RGS6: variants seen among roughly 807,000 people sequenced by gnomAD.
The protein encoded by RGS6 is regulator of G protein signaling 6, also known as regulator of G-protein signaling 6.
RGS6 carries 30 observed loss-of-function variants against 78.5 expected under a neutral mutation model. The observed-to-expected ratio is 0.38, with a 90% CI of 0.29 to 0.52. The LOEUF is 0.52. RGS6 is among the 20% of genes least tolerant of loss of function. RGS6 has a pLI of 0.85. For synonymous variants in RGS6, 206 were observed against 206.0 expected, an observed-to-expected ratio of 1.00 and a Z score of 0.00; for missense variants, 495 against 609.7, an observed-to-expected ratio of 0.81 and a Z score of 1.98.
At position 72,073,757 on chromosome 14, in the gene RGS6, A is replaced by G. The variant is rs541220279; in HGVS notation, c.84+108882A>G. Among the ~76,000 whole-genome samples, 3 of 152,300 alleles carry G rather than the reference A, an allele frequency of 2.0e-5. No individual in the cohort carries two copies. The East Asian group carries it at 5.8e-4, about 29-fold the overall frequency. On this transcript the variant is annotated intron_variant, in intron 2 of 17. Transcript: ENST00000553525. ...TTCTCACAAATTTTATAATGAAACA[A>G]TGTTACTGTAGGACCTGCTGTATAA... is the stretch of plus-strand genomic sequence containing the variant.
At chr14:72,065,112 C>A (rs1392846338) in intron 2 of RGS6, among the ~76,000 whole-genome samples, 1 of 152,096 alleles carries the variant, frequency 6.6e-6, no homozygotes, top group Admixed American at 6.6e-5. Flanking sequence ...AGAAGCAGAG[C>A]CATCTGAATT....
chr14:72,232,896 T>G (rs1479586664), intron 2 of RGS6, among the ~76,000 whole-genome samples: 7 of 152,156 alleles, frequency 4.6e-5, no homozygotes, highest in Admixed American at 4.6e-4. Flanking sequence ...AGCCTGAGGC[T>G]GGCGTGCATG....
intron 2 of RGS6, among the ~76,000 whole-genome samples, chr14:72,116,866 A>C (rs1304354198): frequency 6.8e-6 from 1 of 147,520 alleles, no homozygotes; most frequent in Non-Finnish European, 1.5e-5. Flanking sequence ...TGGGAGGCTG[A>C]GGCAGGAGAA....
At chr14:72,345,196 G>A (rs1177809327) in intron 2 of RGS6, among the ~76,000 whole-genome samples, 5 of 152,212 alleles carry the variant, frequency 3.3e-5, no homozygotes, top group South Asian at 4.2e-4. Context: ...GGGATGACTA[G>A]AGCTGGGCAG....
intron 2 of RGS6, among the ~76,000 whole-genome samples, chr14:72,313,053 A>T (rs1384712797): frequency 6.6e-6 from 1 of 152,164 alleles, no homozygotes. Flanking sequence ...CAGCGACTTG[A>T]GTTTAAATTC....
At chr14:72,076,155 A>C (rs1035938412) in intron 2 of RGS6, among the ~76,000 whole-genome samples, 4 of 152,158 alleles carry the variant, frequency 2.6e-5, no homozygotes, top group African/African-American at 9.7e-5. Context: ...TAGAGGGAGG[A>C]TGGGCCATCC....
chr14:72,193,572 T>G (rs764700296), intron 2 of RGS6, among the ~76,000 whole-genome samples: 21 of 152,206 alleles, frequency 1.4e-4, no homozygotes, highest in Non-Finnish European at 2.8e-4. Context: ...TACATTCTTA[T>G]GAGAGAAACG....
chr14:72,282,546 A>G (rs958306052), intron 2 of RGS6, among the ~76,000 whole-genome samples: 3 of 152,224 alleles, frequency 2.0e-5, no homozygotes, highest in Non-Finnish European at 4.4e-5. Flanking sequence ...CTCCTGGTTT[A>G]AGACATGAGC....
intron 7 of RGS6, among the ~76,000 whole-genome samples, chr14:72,466,846 A>T (rs1300354104): frequency 6.6e-6 from 1 of 152,236 alleles, no homozygotes; most frequent in Non-Finnish European, 1.5e-5. Flanking sequence ...CAAATTTACT[A>T]CATAATAACA....
chr14:72,265,937 T>TG (rs1458381933), intron 2 of RGS6, among the ~76,000 whole-genome samples: 1 of 37,712 alleles, frequency 2.7e-5, no homozygotes, highest in Non-Finnish European at 4.9e-5. Context: ...TATCGCTTTT[T>TG]TGGGGGGGGG....
chr14:72,456,533 A>G (rs1417742155), intron 4 of RGS6, among the ~76,000 whole-genome samples: 1 of 152,058 alleles, frequency 6.6e-6, no homozygotes, highest in Non-Finnish European at 1.5e-5. Context: ...GACCTCAAAC[A>G]ATTCTTCTGC....
intron 2 of RGS6, among the ~76,000 whole-genome samples, chr14:72,084,566 C>T (rs534225044): frequency 2.0e-5 from 3 of 152,256 alleles, no homozygotes; most frequent in African/African-American, 7.2e-5. Context: ...CTGCAATTCC[C>T]CGTAACTCAG....
intron 2 of RGS6, among the ~76,000 whole-genome samples, chr14:71,984,796 G>A (rs1310576030): frequency 6.6e-6 from 1 of 152,170 alleles, no homozygotes; most frequent in African/African-American, 2.4e-5. Flanking sequence ...CACATGGTAA[G>A]GTATTGGTAA....
intron 2 of RGS6, among the ~76,000 whole-genome samples, chr14:72,091,405 CAG>C (rs1206386569): frequency 1.3e-5 from 2 of 152,134 alleles, no homozygotes; most frequent in Non-Finnish European, 2.9e-5. Flanking sequence ...AGCCTGGAGA[CAG>C]GGGACCAGGA....
chr14:71,979,533 T>C (rs2094336623), intron 2 of RGS6, among the ~76,000 whole-genome samples: 1 of 152,180 alleles, frequency 6.6e-6, no homozygotes, highest in South Asian at 2.1e-4. Flanking sequence ...CCAGTAGTCA[T>C]TCAGGAGCAG....
chr14:72,002,826 G>A (rs1210224724), intron 2 of RGS6, among the ~76,000 whole-genome samples: 2 of 152,138 alleles, frequency 1.3e-5, no homozygotes, highest in African/African-American at 2.4e-5. Flanking sequence ...CTGTAGAAAT[G>A]AGCCTATCAT....
At chr14:72,029,661 T>A (rs1314540951) in intron 2 of RGS6, among the ~76,000 whole-genome samples, 6 of 152,190 alleles carry the variant, frequency 3.9e-5, no homozygotes, top group African/African-American at 1.4e-4. Context: ...GATAAATATG[T>A]TCCAAAGCAA....
At chr14:72,318,631 C>T (rs2070992996) in intron 2 of RGS6, among the ~76,000 whole-genome samples, 1 of 152,176 alleles carries the variant, frequency 6.6e-6, no homozygotes, top group African/African-American at 2.4e-5. Flanking sequence ...AAGAGACAAT[C>T]ACTATGATCA....
intron 2 of RGS6, among the ~76,000 whole-genome samples, chr14:72,172,780 C>T (rs149663): frequency 0.81 from 122,471 of 151,748 alleles, 49,498 homozygotes; most frequent in East Asian, 0.94. Flanking sequence ...GTCACTCCAC[C>T]TGAGGACTTG....
Sources: allele counts gnomAD v4.1 joint callset (sites outside exome capture counted in the v4.1 genomes callset), GRCh38; gene constraint gnomAD v4.1.1; transcripts MANE v1.5; gene names NCBI Gene and HGNC (gene_info 2026-07-23, HGNC 2026-07-21).